The following DST variants were observed in gnomAD, a reference collection of about 807,000 sequenced individuals.
DST encodes bullous pemphigoid antigen.
DST carries 253 observed loss-of-function variants against 875.2 expected under a neutral mutation model. The ratio of observed to expected loss-of-function variants is 0.29; its 90% CI spans 0.26 to 0.32. The LOEUF (loss-of-function observed/expected upper bound fraction) is 0.32, where lower values mean the gene tolerates loss of function less well. DST is among the 10% of genes least tolerant of loss of function. The pLI is 1.00. For missense variants in DST, 8,287 were observed against 9,111.6 expected (o/e 0.91, Z 3.68); for synonymous variants, 3,124 against 3,197.1 (o/e 0.98, Z 0.77).
intron 2 of DST, among the ~76,000 whole-genome samples, chr6:56,940,020 C>T (rs1373766442): frequency 2.7e-5 from 4 of 150,318 alleles, no homozygotes; most frequent in South Asian, 2.1e-4. Context: ...AGCAAGACTC[C>T]GTCTCAAAAA....
At chr6:56,612,385 T>C (rs1386917140) in intron 37 of DST, among the ~76,000 whole-genome samples, 1 of 152,072 alleles carries the variant, frequency 6.6e-6, no homozygotes, top group Non-Finnish European at 1.5e-5. Context: ...ACTTTTTAAC[T>C]ATTGAAAAAA....
chr6:56,542,593 A>ACAT (rs1413371407), intron 61 of DST: 2 of 152,324 alleles, frequency 1.3e-5, no homozygotes, highest in Non-Finnish European at 2.9e-5. Flanking sequence ...CCCAGGGACT[A>ACAT]CATTAGCCTT....
intron 61 of DST, among the ~76,000 whole-genome samples, chr6:56,537,210 A>C (rs1408550808): frequency 6.6e-6 from 1 of 152,256 alleles, no homozygotes; most frequent in Non-Finnish European, 1.5e-5. Context: ...AGAAGACAGT[A>C]CATGTCTCCT....
intron 47 of DST, among the ~76,000 whole-genome samples, chr6:56,596,164 G>C (rs1563061690): frequency 6.6e-6 from 1 of 151,998 alleles, no homozygotes; most frequent in Non-Finnish European, 1.5e-5. Context: ...AAGTAGCTGG[G>C]ATTACAGGCA....
intron 13 of DST, among the ~76,000 whole-genome samples, chr6:56,647,687 T>C (rs1163393353): frequency 7.6e-6 from 1 of 131,790 alleles, no homozygotes; most frequent in Admixed American, 7.0e-5. Flanking sequence ...CTTTTTGTAA[T>C]GTTTTTTTTT....
intron 4 of DST, among the ~76,000 whole-genome samples, chr6:56,834,003 G>A (rs2099790532): frequency 6.6e-6 from 1 of 151,984 alleles, no homozygotes; most frequent in Non-Finnish European, 1.5e-5. Context: ...CAAGGCAGGA[G>A]GATCACTAGA....
At chr6:56,778,954 A>G (rs931906971) in intron 4 of DST, among the ~76,000 whole-genome samples, 4 of 152,032 alleles carry the variant, frequency 2.6e-5, no homozygotes, top group Non-Finnish European at 4.4e-5. Context: ...CTGAGGAATC[A>G]CCACACTGAC....
chr6:56,852,094 G>C, intron 3 of DST: 1 of 1,365,240 alleles, frequency 7.3e-7, no homozygotes, highest in Non-Finnish European at 9.4e-7. Context: ...TCCGCTTCAA[G>C]TCACCTCACC....
chr6:56,537,497 T>C (rs1030721507), intron 61 of DST, among the ~76,000 whole-genome samples: 2 of 151,924 alleles, frequency 1.3e-5, no homozygotes, highest in Non-Finnish European at 2.9e-5. Flanking sequence ...AATACAGAGA[T>C]AGGAAAATGA....
chr6:56,481,857 A>AT (rs2095412193), intron 90 of DST, among the ~76,000 whole-genome samples, 193 bp downstream of exon 90: 1 of 152,222 alleles, frequency 6.6e-6, no homozygotes, highest in African/African-American at 2.4e-5. Context: ...ACAGGTACAC[A>AT]TACATGTGTG....
At chr6:56,611,729 T>G in intron 37 of DST, 133 bp from the exon 38 acceptor site, 2 of 627,962 alleles carry the variant, frequency 3.2e-6, no homozygotes, top group Non-Finnish European at 2.8e-6. Flanking sequence ...GTGAATAACC[T>G]ATCAGTTATT....
intron 4 of DST, among the ~76,000 whole-genome samples, chr6:56,762,734 AATGTGAG>A (rs2099620300): frequency 6.6e-6 from 1 of 152,162 alleles, no homozygotes; most frequent in African/African-American, 2.4e-5. Flanking sequence ...TGGATTTTGA[AATGTGAG>A]ATATTTTTGC....
At position 56,553,722 on chromosome 6, in the gene DST, A is replaced by G; in HGVS notation, c.15137-67T>C. 3 of 1,429,890 alleles carry G rather than the reference A, an allele frequency of 2.1e-6. No homozygotes were observed. In the South Asian group the frequency reaches 3.8e-5, roughly 18 times the overall value. The allele number at this position is 1,429,890 out of a possible 1,614,324, so 88.6% of individuals were successfully genotyped here. A position where few individuals can be genotyped will look rare whatever the true frequency, so the allele number is the denominator to read the frequency against. On this transcript the variant is annotated intron_variant, in intron 60 of 103. Coordinates refer to ENST00000680361, the MANE Select transcript of DST (RefSeq NM_001374736.1). Reference sequence around the variant, plus strand: ...TGTTAATTTAATCTATGAAAAGCCAAAATAAAAATCTCTGAATGAATATAT... The same window carrying G: ...TGTTAATTTAATCTATGAAAAGCCAGAATAAAAATCTCTGAATGAATATAT...
Position 56,603,878 on chromosome 6 carries a change from C to T in DST, c.10750G>A (p.Gly3584Arg). 1 of 1,611,728 alleles carries T rather than the reference C, an allele frequency of 6.2e-7. No individual in the cohort carries two copies. Among genetic ancestry groups the T allele is most frequent in the South Asian group, 1.1e-5 (1 of 90,844 alleles). Residue 3584 changes from glycine (G) to arginine (R), a missense_variant, in exon 40 of 104, where the codon GGG becomes AGG. Transcript: ENST00000680361. ...DFPSHLECTSGSKEMASGDSS... is the reference protein window; with the variant it reads ...DFPSHLECTSRSKEMASGDSS... ...TCTCCAGAAGCCATCTCTTTAGACC[C>T]TGAAGTACATTCCAAATGGCTTGGG... is the stretch of plus-strand genomic sequence containing the variant.
chr6:56,916,120 G>A (rs762391925), intron 2 of DST, among the ~76,000 whole-genome samples: 6 of 152,182 alleles, frequency 3.9e-5, no homozygotes, highest in African/African-American at 4.8e-5. Context: ...TCGGCTAAGC[G>A]TCATGAATAT....
In DST at chr6:56,605,023, T is replaced by C. The variant is rs561856153; in HGVS notation, c.9605A>G (p.Asp3202Gly). The change falls in exon 40 of 104, where the codon GAT becomes GGT. Residue 3202 changes from aspartate (D) to glycine (G), a missense_variant. By Grantham distance (94) the Asp-to-Gly change is moderately conservative (BLOSUM62 -1). Around this residue, in one of 10 missense-constraint regions of DST, gnomAD observed 3,138 missense variants for 3,116.6 expected, o/e 1.01. Transcript: ENST00000680361. The stretch of plus-strand genomic sequence containing the variant: ...AGTTATTAAAACATGGCTTGGGACA[T>C]CTTCATTTGGTTTGGCTACATCTTT... ...KAKDVAKPNE[D>G]VPSHVLITAP... 5 of 1,612,974 alleles carry C rather than the reference T, an allele frequency of 3.1e-6. No homozygotes were observed. The African/African-American group carries it at 5.3e-5, about 17-fold the overall frequency.
chr6:56,603,945 T>G lies in DST; in HGVS notation c.10683A>C (p.Thr3561=). 6.2e-7 allele frequency: 1 copy of G among 1,611,580 alleles called. No homozygotes were observed. Among genetic ancestry groups the G allele is most frequent in the Non-Finnish European group, 8.5e-7 (1 of 1,178,652 alleles). ...CCTTGAGCTTCTCATCTCTTGGCAA[T>G]GTTGATGCCCACACAGTAGAGCTTT... ...GLESSTVWAS[T]LPRDEKLKDL... The change falls in exon 40 of 104, where the codon ACA becomes ACC. Residue 3561 remains threonine (T), a synonymous_variant. Coordinates refer to ENST00000680361, the MANE Select transcript of DST (RefSeq NM_001374736.1).
intron 3 of DST, among the ~76,000 whole-genome samples, chr6:56,864,707 C>T (rs1773083372): frequency 6.6e-6 from 1 of 152,066 alleles, no homozygotes. Context: ...GATGCCTGCT[C>T]AGCACATACT....
intron 4 of DST, among the ~76,000 whole-genome samples, chr6:56,822,235 G>A (rs13203148): frequency 0.12 from 18,133 of 152,042 alleles, 1,527 homozygotes; most frequent in Non-Finnish European, 0.18. Context: ...TAAACAACAC[G>A]CAGCACAGGG....
Sources: gnomAD v4.1 joint callset for allele counts (sites outside exome capture counted in the v4.1 genomes callset) on GRCh38, gnomAD v4.1.1 for gene constraint, gnomAD v4.1.1 regional missense constraint, MANE v1.5 for transcripts, NCBI Gene and HGNC (gene_info 2026-07-23, HGNC 2026-07-21) for gene names.